The following CEP78 variants were observed in gnomAD, a reference collection of about 807,000 sequenced individuals.
CEP78 encodes centrosomal protein 78, also known as centrosomal protein of 78 kDa.
Under a neutral mutation model 81.2 loss-of-function variants are expected in CEP78, and 76 were observed. That is an observed-to-expected ratio of 0.94 (90% CI 0.78 to 1.13). CEP78 has a LOEUF of 1.13. CEP78 is among the 50% of genes most tolerant of loss of function. The pLI is 0.00. For synonymous variants in CEP78, 293 were observed against 301.4 expected (o/e 0.97, Z 0.29); for missense variants, 918 against 846.8 (o/e 1.08, Z -1.04).
At chr9:78,248,643 C>G (rs1040809616) in intron 7 of CEP78, 119 bp from the exon 8 acceptor site, 3 of 640,712 alleles carry the variant, frequency 4.7e-6, no homozygotes, top group Non-Finnish European at 8.2e-6. Context: ...ATTTTGGGTC[C>G]CAGAACTGCT....
intron 12 of CEP78, 51 bp from the exon 13 acceptor site, chr9:78,264,099 T>C (rs1827399590): frequency 8.0e-7 from 1 of 1,255,872 alleles, no homozygotes; most frequent in South Asian, 1.9e-5. Flanking sequence ...AAAACTATTT[T>C]GGTGATAATG....
intron 1 of CEP78, 151 bp downstream of exon 1, chr9:78,236,754 C>G (rs2118052594): frequency 1.1e-6 from 1 of 943,100 alleles, no homozygotes; most frequent in East Asian, 3.0e-5. Flanking sequence ...GTCTCTAGGG[C>G]TTCAGTGTGC....
intron 10 of CEP78, 68 bp from the exon 11 acceptor site, chr9:78,254,767 TG>T: frequency 7.8e-7 from 1 of 1,276,034 alleles, no homozygotes; most frequent in Non-Finnish European, 1.1e-6. Context: ...AAGATCACTT[TG>T]ATTAGATGTC....
rs986886008 is a variant in CEP78, at chr9:78,273,706, C to T, written c.*2855C>T. The T allele has an allele frequency of 2.0e-5, 3 of 152,304 alleles. No individual in the cohort carries two copies. Among genetic ancestry groups the T allele is most frequent in the Non-Finnish European group, 4.4e-5 (3 of 68,108 alleles). 9.4% of individuals were successfully genotyped at this position (152,304 alleles called of 1,614,324 possible). A position where few individuals can be genotyped will look rare whatever the true frequency, so the allele number is the denominator to read the frequency against. On this transcript the variant is annotated 3_prime_UTR_variant, in exon 17 of 17. Coordinates refer to ENST00000643273, the MANE Select transcript of CEP78 (RefSeq NM_001330691.3). ...AGTTTGCAGTGAGCTGAGATGGCAC[C>T]GCTGCACTCCAGCCTGGGCCATAGA...
intron 1 of CEP78, 77 bp downstream of exon 1, chr9:78,236,680 G>A: frequency 2.7e-6 from 4 of 1,486,790 alleles, no homozygotes; most frequent in Non-Finnish European, 3.6e-6. Context: ...TCCATTGTCG[G>A]GGTATGTGTG....
chr9:78,239,375 G>A (rs1826109871), intron 1 of CEP78, among the ~76,000 whole-genome samples: 1 of 152,222 alleles, frequency 6.6e-6, no homozygotes, highest in South Asian at 2.1e-4. Context: ...CGCAGGACCA[G>A]TGTGTATTGG....
chr9:78,237,012 ACT>A (rs1422591798), intron 1 of CEP78, among the ~76,000 whole-genome samples: 1 of 82,154 alleles, frequency 1.2e-5, no homozygotes, highest in Non-Finnish European at 2.2e-5. Flanking sequence ...ACACTGTTTC[ACT>A]CTGTCGCCCA....
chr9:78,265,951 A>G (rs114943527), intron 15 of CEP78, 45 bp downstream of exon 15: 1 of 925,884 alleles, frequency 1.1e-6, no homozygotes, highest in Admixed American at 2.0e-5. Context: ...AGTAATTCAT[A>G]TATAACAGGC....
chr9:78,263,197 G>C (rs1056062648), intron 12 of CEP78, among the ~76,000 whole-genome samples: 16 of 151,976 alleles, frequency 1.1e-4, no homozygotes, highest in African/African-American at 2.9e-4. Context: ...AAAAATTGTA[G>C]TTTGTTTTCT....
intron 16 of CEP78, among the ~76,000 whole-genome samples, chr9:78,267,840 C>T (rs547879903): frequency 2.0e-5 from 3 of 151,988 alleles, no homozygotes; most frequent in Non-Finnish European, 2.9e-5. Flanking sequence ...ATAGATAAGT[C>T]CTTTCCTACA....
intron 14 of CEP78, among the ~76,000 whole-genome samples, 157 bp downstream of exon 14, chr9:78,265,700 C>T (rs1012318525): frequency 2.6e-5 from 4 of 152,106 alleles, no homozygotes; most frequent in African/African-American, 9.7e-5. Flanking sequence ...AGTTTGTGCC[C>T]ATTTCCTTAT....
intron 6 of CEP78, 50 bp from the exon 7 acceptor site, chr9:78,248,241 C>T: frequency 1.1e-6 from 1 of 929,996 alleles, no homozygotes; most frequent in Non-Finnish European, 1.7e-6. Context: ...ATGGGAATAG[C>T]CACTCATTGG....
intron 15 of CEP78, 134 bp downstream of exon 15, chr9:78,266,040 C>T: frequency 1.6e-6 from 1 of 611,080 alleles, no homozygotes; most frequent in Non-Finnish European, 3.0e-6. Context: ...GCTGCTTTTC[C>T]TCTGGCCTTA....
intron 8 of CEP78, chr9:78,250,333 T>A: frequency 2.5e-6 from 1 of 398,088 alleles, no homozygotes; most frequent in Non-Finnish European, 4.4e-6. Context: ...TTATATAATT[T>A]ATGTAAATTA....
In CEP78 at chr9:78,248,869, A is replaced by G. The variant is rs753116427; in HGVS notation, c.1065A>G (p.Arg355=). The change falls in exon 8 of 17, where the codon AGA becomes AGG. Residue 355 remains arginine, a synonymous_variant. Transcript: ENST00000643273. The part of the protein sequence containing the change: ...GSGHKGKATI[R]IGLATKKPVS... Reference sequence around the variant, plus strand: ...GTCACAAAGGAAAAGCTACTATTAGAATTGGTAACCTTTTCTGTCTTGGCT... The same window carrying G: ...GTCACAAAGGAAAAGCTACTATTAGGATTGGTAACCTTTTCTGTCTTGGCT... 7.9e-6 allele frequency: 12 copies of G among 1,520,142 alleles called. 1 individual carries two copies. The Admixed American group carries it at 2.2e-4, about 28-fold the overall frequency. 94.2% of individuals were successfully genotyped at this position (1,520,142 alleles called of 1,614,324 possible).
intron 8 of CEP78, 65 bp from the exon 9 acceptor site, chr9:78,251,843 T>C (rs1826774763): frequency 1.4e-6 from 2 of 1,440,884 alleles, no homozygotes; most frequent in Non-Finnish European, 1.9e-6. Context: ...AGTATGCACA[T>C]GTGCCTATTC....
chr9:78,257,808 C>G (rs1249656455), intron 11 of CEP78, among the ~76,000 whole-genome samples: 1 of 152,132 alleles, frequency 6.6e-6, no homozygotes, highest in African/African-American at 2.4e-5. Context: ...TTGTACAAAC[C>G]AGAACACTTT....
In CEP78 at chr9:78,274,701, T is replaced by C. The variant is rs1351825552; in HGVS notation, c.*3850T>C. On this transcript the variant is annotated 3_prime_UTR_variant, in exon 17 of 17. Transcript: ENST00000643273. ...TCATGTGCTCTGTATAATGTAATAA[T>C]AGTAACAAAAGGCCTGTCCACTTGG... 3 of 152,190 alleles carry C rather than the reference T, an allele frequency of 2.0e-5. No homozygotes were observed. Among genetic ancestry groups the C allele is most frequent in the Non-Finnish European group, 2.9e-5 (2 of 68,022 alleles). The allele number at this position is 152,190 out of a possible 1,614,324, so 9.4% of individuals were successfully genotyped here.
At chr9:78,243,035 TAATA>T (rs2118161759) in intron 4 of CEP78, among the ~76,000 whole-genome samples, 1 of 152,298 alleles carries the variant, frequency 6.6e-6, no homozygotes, top group South Asian at 2.1e-4. Flanking sequence ...TATAGTTTAT[TAATA>T]AATAACTTAC....
Sources: gnomAD v4.1 joint callset for allele counts (sites outside exome capture counted in the v4.1 genomes callset) on GRCh38, gnomAD v4.1.1 for gene constraint, MANE v1.5 for transcripts, NCBI Gene and HGNC (gene_info 2026-07-23, HGNC 2026-07-21) for gene names.